Variants in PIWIL2 observed in about 807,000 individuals in gnomAD.
PIWIL2 encodes the protein piwi-like protein 2.
PIWIL2 carries 81 observed loss-of-function variants against 116.5 expected under a neutral mutation model. That is an observed-to-expected ratio of 0.70 (90% CI 0.58 to 0.84). PIWIL2 has a LOEUF of 0.84. Ranked by LOEUF, PIWIL2 falls within the 40% of genes least tolerant of loss-of-function variation. The pLI is 0.00. For synonymous variants in PIWIL2, 489 were observed against 429.5 expected, an observed-to-expected ratio of 1.14 and a Z score of -1.71; for missense variants, 1,272 against 1,212.3, an observed-to-expected ratio of 1.05 and a Z score of -0.73.
chr8:22,278,896 C>G (rs910679137), intron 1 of PIWIL2, among the ~76,000 whole-genome samples: 1 of 152,184 alleles, frequency 6.6e-6, no homozygotes, highest in Non-Finnish European at 1.5e-5. Flanking sequence ...GATGATCTGT[C>G]ACTGTCTCCC....
intron 14 of PIWIL2, among the ~76,000 whole-genome samples, chr8:22,309,550 GCTGGTGTCAAACT>G (rs1831274994): frequency 6.6e-6 from 1 of 151,930 alleles, no homozygotes; most frequent in Non-Finnish European, 1.5e-5. Context: ...TGTTGGCCAG[GCTGGTGTCAAACT>G]CCTGACCTCA....
intron 19 of PIWIL2, among the ~76,000 whole-genome samples, chr8:22,316,820 T>C (rs955762250): frequency 4.6e-5 from 7 of 151,116 alleles, no homozygotes; most frequent in Non-Finnish European, 8.9e-5. Context: ...TTTTTGAGAC[T>C]GGGATTTACT....
intron 20 of PIWIL2, among the ~76,000 whole-genome samples, chr8:22,340,872 T>C (rs1415923313): frequency 1.3e-5 from 2 of 152,122 alleles, no homozygotes; most frequent in Admixed American, 6.6e-5. Context: ...CCACCATTTC[T>C]GGCTAATTTT....
At position 22,315,018 on chromosome 8, in the gene PIWIL2, C is replaced by CTTCA. The variant is rs1169337175; in HGVS notation, c.2092-8_2092-5dup. 1 of 1,565,382 alleles carries CTTCA rather than the reference C, an allele frequency of 6.4e-7. No individual in the cohort carries two copies. The highest frequency in any genetic ancestry group is 1.7e-5 in the Admixed American group (1 of 59,836). ...TGCTTCTCCTGACACCTTTTGGTCC[C>CTTCA]TTCATTATAGGTTGTCAATGTTCGA... is the stretch of plus-strand genomic sequence containing the variant. On this transcript the variant is annotated splice_polypyrimidine_tract_variant and intron_variant, in intron 17 of 22. Coordinates refer to ENST00000356766, the MANE Select transcript of PIWIL2 (RefSeq NM_018068.5).
At chr8:22,330,865 A>G (rs570037433) in intron 20 of PIWIL2, among the ~76,000 whole-genome samples, 2 of 151,966 alleles carry the variant, frequency 1.3e-5, no homozygotes, top group African/African-American at 4.8e-5. Context: ...AAGCATCATA[A>G]TTCTTTGTTG....
intron 20 of PIWIL2, among the ~76,000 whole-genome samples, chr8:22,334,057 T>A (rs1831923636): frequency 6.6e-6 from 1 of 150,994 alleles, no homozygotes; most frequent in South Asian, 2.1e-4. Flanking sequence ...CACTGCAACC[T>A]CCGCCTTGTG....
chr8:22,291,205 CA>C (rs1419072457), intron 10 of PIWIL2, among the ~76,000 whole-genome samples: 13 of 150,692 alleles, frequency 8.6e-5, no homozygotes, highest in African/African-American at 3.2e-4. Flanking sequence ...GGCTGAAGTG[CA>C]GTAGTGTGAT....
In PIWIL2 at chr8:22,308,049, C is replaced by G; in HGVS notation, c.1662C>G (p.Leu554=). Residue 554 remains leucine, a synonymous_variant, in exon 14 of 23, where the codon CTC becomes CTG. Coordinates refer to ENST00000356766, the MANE Select transcript of PIWIL2 (RefSeq NM_018068.5). ...CCAATGAACTGATGCGTTGGGGGCT[C>G]CGTCTGCAAAAGGATGTACATAAGG... ...AATNELMRWG[L]RLQKDVHKIE... 6.2e-7 allele frequency: 1 copy of G among 1,613,868 alleles called. No homozygotes were observed. Among genetic ancestry groups the G allele is most frequent in the Non-Finnish European group, 8.5e-7 (1 of 1,179,914 alleles).
intron 19 of PIWIL2, among the ~76,000 whole-genome samples, chr8:22,317,883 G>T (rs542008426): frequency 6.6e-6 from 1 of 151,986 alleles, no homozygotes; most frequent in Non-Finnish European, 1.5e-5. Flanking sequence ...GGATGGTCTC[G>T]ATCTCCTGAC....
intron 20 of PIWIL2, among the ~76,000 whole-genome samples, chr8:22,331,660 G>C (rs1270113093): frequency 6.6e-6 from 1 of 152,094 alleles, no homozygotes; most frequent in Non-Finnish European, 1.5e-5. Flanking sequence ...ACATAACAAA[G>C]TACCAGCAAC....
At chr8:22,295,722 C>T (rs1830882639) in intron 10 of PIWIL2, among the ~76,000 whole-genome samples, 1 of 152,106 alleles carries the variant, frequency 6.6e-6, no homozygotes, top group Admixed American at 6.6e-5. Context: ...CTGGAAACCA[C>T]AGAAGAGCAT....
Position 22,353,212 on chromosome 8 carries a change from G to T in PIWIL2, c.2657G>T (p.Trp886Leu). 1 of 1,607,964 alleles carries T rather than the reference G, an allele frequency of 6.2e-7. No individual in the cohort carries two copies. Among genetic ancestry groups the T allele is most frequent in the South Asian group, 1.1e-5 (1 of 90,548 alleles). Residue 886 changes from tryptophan (W) to leucine (L), a missense_variant and splice_region_variant, in exon 21 of 23, where the codon TGG becomes TTG. Trp to Leu is a moderately conservative substitution (Grantham distance 61, BLOSUM62 -2). Coordinates refer to ENST00000356766, the MANE Select transcript of PIWIL2 (RefSeq NM_018068.5). ...GATCATACAATAACAAGCTGTGAGT[G>T]GTAAGTGAGCAAAATATGTAGTATT... ...VVDHTITSCE[W>L]VDFYLLAHHV...
rs1563343136 is a variant in PIWIL2, at chr8:22,281,147, C to T, written c.226C>T (p.Arg76Ter). The T allele has an allele frequency of 3.1e-6, 5 of 1,612,248 alleles. No individual in the cohort carries two copies. The highest frequency in any genetic ancestry group is 1.1e-5 in the South Asian group (1 of 90,686). ...RESVGLVSMF[R>*]GLGIETVSKT... ...GTCTGTGGGTTTGGTCTCCATGTTC[C>T]GAGGCCTGGGCATTGAAACAGTTTC... The change falls in exon 3 of 23, where the codon CGA becomes TGA. Residue 76 changes from arginine (R) to a stop codon, truncating the protein, a stop_gained. Transcript: ENST00000356766. LOFTEE classifies it high-confidence loss of function.
chr8:22,305,449 C>G (rs1831154043), intron 12 of PIWIL2, among the ~76,000 whole-genome samples: 1 of 152,104 alleles, frequency 6.6e-6, no homozygotes, highest in Non-Finnish European at 1.5e-5. Flanking sequence ...GCCTCGGCCT[C>G]CTAAAGTGCT....
intron 18 of PIWIL2, 102 bp downstream of exon 18, chr8:22,315,247 T>C (rs1168800832): frequency 1.4e-6 from 1 of 707,044 alleles, no homozygotes; most frequent in Non-Finnish European, 2.6e-6. Context: ...CAACACTTAC[T>C]CAGTAGTCTA....
chr8:22,308,451 G>A (rs1045538307), intron 14 of PIWIL2, among the ~76,000 whole-genome samples: 2 of 152,000 alleles, frequency 1.3e-5, no homozygotes, highest in Admixed American at 6.6e-5. Flanking sequence ...TCAGGAGTTC[G>A]AGAAGAGCCT....
chr8:22,289,536 A>T (rs113765831), intron 8 of PIWIL2, among the ~76,000 whole-genome samples: 1,595 of 152,294 alleles, frequency 0.01, 14 homozygotes, highest in Non-Finnish European at 0.013. Context: ...CACACTTAGC[A>T]ATGGGCTGTC....
chr8:22,337,148 AT>A (rs1255618337), intron 20 of PIWIL2, among the ~76,000 whole-genome samples: 2 of 152,194 alleles, frequency 1.3e-5, no homozygotes, highest in Middle Eastern at 3.2e-3. Flanking sequence ...TGAAGTCAGT[AT>A]TACTCTGATA....
At chr8:22,316,173 A>T in intron 18 of PIWIL2, 72 bp from the exon 19 acceptor site, 1 of 886,422 alleles carries the variant, frequency 1.1e-6, no homozygotes, top group Non-Finnish European at 1.9e-6. Flanking sequence ...TGGGATTCAG[A>T]CAGTAATTAA....
Sources: allele counts gnomAD v4.1 joint callset (sites outside exome capture counted in the v4.1 genomes callset), GRCh38; gene constraint gnomAD v4.1.1; transcripts MANE v1.5; gene names NCBI Gene and HGNC (gene_info 2026-07-23, HGNC 2026-07-21).